Variants in LOXL2 observed in about 807,000 individuals in gnomAD.
LOXL2 encodes lysyl oxidase like 2.
A neutral mutation model predicts 93.0 loss-of-function variants in LOXL2; 70 were observed. The ratio of observed to expected loss-of-function variants is 0.75; its 90% confidence interval spans 0.62 to 0.92. LOXL2 has a LOEUF of 0.92. LOXL2 is among the 40% of genes least tolerant of loss of function. LOXL2 has a pLI of 0.00. For missense variants in LOXL2, 973 were observed against 1,054.9 expected, an observed-to-expected ratio of 0.92 and a Z score of 1.08; for synonymous variants, 438 against 413.2, an observed-to-expected ratio of 1.06 and a Z score of -0.73.
chr8:23,316,522 C>T (rs1016942132), intron 9 of LOXL2, among the ~76,000 whole-genome samples: 9 of 151,926 alleles, frequency 5.9e-5, no homozygotes, highest in African/African-American at 1.9e-4. Flanking sequence ...TCTAGGACTC[C>T]CAGCGAACTA....
At position 23,299,375 on chromosome 8, in the gene LOXL2, G is replaced by A. The variant is rs146193922; in HGVS notation, c.2134-428C>T. On this transcript the variant is annotated intron_variant, in intron 12 of 13. Coordinates refer to ENST00000389131, the MANE Select transcript of LOXL2 (RefSeq NM_002318.3). ...CCTGGGCGTTGGAGATGGGACACTCGTCACAGGCGTGTGACTGTGGACATG... is the reference window on the plus strand; with the variant it reads ...CCTGGGCGTTGGAGATGGGACACTCATCACAGGCGTGTGACTGTGGACATG... 1.7e-3 allele frequency among the ~76,000 whole-genome samples: 257 copies of A among 152,268 alleles called. 1 individual carries two copies. The highest frequency in any genetic ancestry group is 3.4e-3 in the Middle Eastern group (1 of 294).
At chr8:23,301,806 G>A (rs2117138093) in intron 12 of LOXL2, among the ~76,000 whole-genome samples, 1 of 152,332 alleles carries the variant, frequency 6.6e-6, no homozygotes, top group South Asian at 2.1e-4. Context: ...AAATGTGAAT[G>A]CCTGTGGTGT....
intron 12 of LOXL2, among the ~76,000 whole-genome samples, chr8:23,300,456 C>T (rs917518089): frequency 6.6e-5 from 10 of 152,204 alleles, no homozygotes; most frequent in Admixed American, 1.3e-4. Context: ...ACTTCCTCCT[C>T]GCCCAGCTCC....
intron 3 of LOXL2, among the ~76,000 whole-genome samples, chr8:23,348,649 G>A (rs950483860): frequency 3.9e-5 from 6 of 151,966 alleles, no homozygotes; most frequent in Admixed American, 6.5e-5. Context: ...AGGCCGAGGC[G>A]GGTGGATCAC....
chr8:23,313,456 T>C (rs546408471), intron 9 of LOXL2, among the ~76,000 whole-genome samples: 23 of 151,760 alleles, frequency 1.5e-4, no homozygotes, highest in African/African-American at 5.1e-4. Flanking sequence ...GAGATATAGA[T>C]CAATGGAACA....
chr8:23,316,921 G>T, intron 9 of LOXL2, 28 bp downstream of exon 9: 1 of 1,551,734 alleles, frequency 6.4e-7, no homozygotes, highest in Non-Finnish European at 8.7e-7. Context: ...TTGGGAGCCC[G>T]GTGGGGAGGG....
At chr8:23,298,600 G>T (rs1803077171) in intron 13 of LOXL2, among the ~76,000 whole-genome samples, 1 of 152,240 alleles carries the variant, frequency 6.6e-6, no homozygotes, top group Admixed American at 6.5e-5. Context: ...AAAAGCCTTG[G>T]GGTCTGCACT....
At chr8:23,369,637 C>A (rs551770774) in intron 1 of LOXL2, among the ~76,000 whole-genome samples, 1 of 152,108 alleles carries the variant, frequency 6.6e-6, no homozygotes, top group East Asian at 1.9e-4. Context: ...CTCAGTGCCC[C>A]GAAGAGGATG....
At chr8:23,302,243 C>G in intron 11 of LOXL2, 80 bp from the exon 12 acceptor site, 1 of 1,567,560 alleles carries the variant, frequency 6.4e-7, no homozygotes, top group South Asian at 1.1e-5. Context: ...TCCAAGGCCC[C>G]TACCGCTGCT....
intron 1 of LOXL2, among the ~76,000 whole-genome samples, chr8:23,403,284 G>A (rs1026173665): frequency 6.6e-6 from 1 of 152,190 alleles, no homozygotes; most frequent in African/African-American, 2.4e-5. Flanking sequence ...GGCGGGAGAG[G>A]GTCCCTGGTC....
chr8:23,355,803 C>G (rs1479119441), intron 3 of LOXL2, among the ~76,000 whole-genome samples: 17 of 151,526 alleles, frequency 1.1e-4, no homozygotes. Flanking sequence ...GAGACACGGT[C>G]TTGCCATATT....
Position 23,386,004 on chromosome 8 carries a change from G to C in LOXL2, c.-83-17570C>G, listed in dbSNP as rs190543904. The stretch of plus-strand genomic sequence containing the variant: ...CTGCCATACTGCACAACACAGCTTT[G>C]GACAACCCCCTGAGCAAGGTATTAT... On this transcript the variant is annotated intron_variant, in intron 1 of 13. Coordinates refer to ENST00000389131, the MANE Select transcript of LOXL2 (RefSeq NM_002318.3). The C allele has an allele frequency of 8.4e-5, 64 of 765,146 alleles. No homozygotes were observed. The African/African-American group carries it at 9.5e-4, about 11-fold the overall frequency. The allele number at this position is 765,146 out of a possible 1,614,324, so 47.4% of individuals were successfully genotyped here.
intron 3 of LOXL2, among the ~76,000 whole-genome samples, chr8:23,348,999 T>G (rs1046429776): frequency 7.4e-6 from 1 of 135,124 alleles, no homozygotes; most frequent in Non-Finnish European, 1.5e-5. Flanking sequence ...CAAGATGCCC[T>G]CAACTCTTCC....
intron 3 of LOXL2, among the ~76,000 whole-genome samples, chr8:23,346,137 T>TAATAAAAATAATA (rs879817966): frequency 8.7e-4 from 66 of 75,710 alleles, no homozygotes; most frequent in African/African-American, 4.6e-3. Flanking sequence ...TAAAATAAAA[T>TAATAAAAATAATA]AAAATAAATA....
chr8:23,303,429 G>A (rs770472771), intron 10 of LOXL2, 32 bp from the exon 11 acceptor site: 2 of 1,300,506 alleles, frequency 1.5e-6, no homozygotes, highest in South Asian at 1.2e-5. Flanking sequence ...CTGGAGGTCA[G>A]TTTCTGGAGC....
intron 1 of LOXL2, among the ~76,000 whole-genome samples, chr8:23,391,864 C>G (rs906790734): frequency 6.6e-6 from 1 of 152,082 alleles, no homozygotes; most frequent in Non-Finnish European, 1.5e-5. Context: ...GGTGGGAATC[C>G]TGGGCTGGAG....
intron 10 of LOXL2, among the ~76,000 whole-genome samples, chr8:23,306,847 G>C (rs149125001): frequency 9.2e-5 from 14 of 152,330 alleles, no homozygotes; most frequent in Admixed American, 5.2e-4. Context: ...GTTGAGCAGC[G>C]GTGGCCCCAC....
intron 10 of LOXL2, among the ~76,000 whole-genome samples, chr8:23,307,947 C>T (rs575453094): frequency 0.075 from 238 of 3,184 alleles, 3 homozygotes; most frequent in African/African-American, 0.094. Flanking sequence ...TCATCAGCTG[C>T]GATATGAAAA....
At position 23,308,984 on chromosome 8, in the gene LOXL2, A is replaced by AT. The variant is rs1486074011; in HGVS notation, c.1880+683dup. On this transcript the variant is annotated intron_variant, in intron 10 of 13. Coordinates refer to ENST00000389131, the MANE Select transcript of LOXL2 (RefSeq NM_002318.3). ...ACCAGTACGTGGAATATATATATATATATATATTTTTTTTTTTTGAGACAG... is the reference window on the plus strand; with the variant it reads ...ACCAGTACGTGGAATATATATATATATTATATATTTTTTTTTTTTGAGACAG... Among the ~76,000 whole-genome samples, 238 of 141,684 alleles carry AT rather than the reference A, an allele frequency of 1.7e-3. 1 individual carries two copies. Among genetic ancestry groups the AT allele is most frequent in the Non-Finnish European group, 2.8e-3 (183 of 66,000 alleles). The allele number at this position is 141,684 out of a possible 152,430, so 93.0% of individuals were successfully genotyped here.
Sources: gnomAD v4.1 joint callset for allele counts (sites outside exome capture counted in the v4.1 genomes callset) on GRCh38, gnomAD v4.1.1 for gene constraint, MANE v1.5 for transcripts, NCBI Gene and HGNC (gene_info 2026-07-23, HGNC 2026-07-21) for gene names.